The following PDLIM7 variants were observed in gnomAD, a reference collection of about 807,000 sequenced individuals.
PDLIM7 encodes the protein PDZ and LIM domain protein 7.
PDLIM7 carries 37 observed loss-of-function variants against 53.9 expected under a neutral mutation model. The observed-to-expected ratio is 0.69, with a 90% CI of 0.53 to 0.90. PDLIM7 has a LOEUF of 0.90. PDLIM7 is among the 40% of genes least tolerant of loss of function. PDLIM7 has a pLI of 0.00. For missense variants in PDLIM7, 617 were observed against 638.5 expected (o/e 0.97, Z 0.36); for synonymous variants, 300 against 261.3 (o/e 1.15, Z -1.43).
In PDLIM7 at chr5:177,492,683, G is replaced by A. The variant is rs770819150; in HGVS notation, c.97-6C>T. On this transcript the variant is annotated splice_region_variant and splice_polypyrimidine_tract_variant and intron_variant, in intron 2 of 12. Coordinates refer to ENST00000355841, the MANE Select transcript of PDLIM7 (RefSeq NM_005451.5). ...GCTTTGCCCCCAGGAGTGAGCTGTG[G>A]AGAGAGAAGCAAAGTGACCGAGGCC... 22 of 1,600,414 alleles carry A rather than the reference G, an allele frequency of 1.4e-5. No individual in the cohort carries two copies. Among genetic ancestry groups the A allele is most frequent in the East Asian group, 8.9e-5 (4 of 44,756 alleles).
At chr5:177,487,466 T>C (rs1390897450) in intron 10 of PDLIM7, among the ~76,000 whole-genome samples, 1 of 152,218 alleles carries the variant, frequency 6.6e-6, no homozygotes, top group Non-Finnish European at 1.5e-5. Flanking sequence ...GGTGAGCATT[T>C]TGGCGGAGGC....
At chr5:177,490,444 A>G in intron 7 of PDLIM7, 1 of 1,534,122 alleles carries the variant, frequency 6.5e-7, no homozygotes, top group Non-Finnish European at 8.7e-7. Context: ...TGCCCTGGGC[A>G]GGAGGAACAG....
intron 2 of PDLIM7, chr5:177,493,018 C>T: frequency 3.3e-6 from 1 of 303,640 alleles, no homozygotes; most frequent in East Asian, 6.7e-5. Context: ...CACAAACAGC[C>T]ACGCTCAGGC....
intron 5 of PDLIM7, chr5:177,491,555 C>A: frequency 1.3e-6 from 1 of 776,658 alleles, no homozygotes. Flanking sequence ...TGGCCCGACA[C>A]CACAACCCAA....
rs1758307031 is a variant in PDLIM7, at chr5:177,483,898, A to T, written c.1256T>A (p.Phe419Tyr). ...AGDRFLEALG[F>Y]SWHDTCFVCA... ...GACGAAGCAGGTGTCATGCCAGCTG[A>T]AGCCCAGGGCCTCCAGGAAGCGGTC... The change falls in exon 12 of 13, where the codon TTC (phenylalanine) becomes TAC (tyrosine). Residue 419 changes from phenylalanine (F) to tyrosine (Y), a missense_variant. Coordinates refer to ENST00000355841, the MANE Select transcript of PDLIM7 (RefSeq NM_005451.5). The T allele has an allele frequency of 6.2e-6, 10 of 1,613,652 alleles. No individual in the cohort carries two copies. Among genetic ancestry groups the T allele is most frequent in the Non-Finnish European group, 8.5e-6 (10 of 1,179,964 alleles).
intron 9 of PDLIM7, among the ~76,000 whole-genome samples, chr5:177,488,473 T>C (rs1758573313): frequency 1.3e-5 from 2 of 152,166 alleles, no homozygotes; most frequent in African/African-American, 4.8e-5. Context: ...GAGGCAGCTT[T>C]AGAGCAGGGA....
At chr5:177,490,168 A>C (rs950621312) in intron 7 of PDLIM7, 2 of 1,458,272 alleles carry the variant, frequency 1.4e-6, no homozygotes, top group Non-Finnish European at 9.1e-7. Flanking sequence ...GGCAGGGCCC[A>C]AACAGTCCGA....
chr5:177,487,498 G>A (rs1426152548), intron 10 of PDLIM7, among the ~76,000 whole-genome samples: 1 of 152,242 alleles, frequency 6.6e-6, no homozygotes, highest in Non-Finnish European at 1.5e-5. Flanking sequence ...CTTGCACCAT[G>A]AGTGGTAAGT....
chr5:177,485,238 C>T (rs964468454), intron 10 of PDLIM7, among the ~76,000 whole-genome samples: 3 of 152,274 alleles, frequency 2.0e-5, no homozygotes, highest in African/African-American at 7.2e-5. Flanking sequence ...TCTATCCCCA[C>T]AGTGCCTGGC....
chr5:177,490,390 G>A (rs1406486503), intron 7 of PDLIM7: 10 of 1,483,046 alleles, frequency 6.7e-6, no homozygotes, highest in African/African-American at 5.6e-5. Flanking sequence ...CCAGGGGCAC[G>A]AAAGGGGGGG....
chr5:177,484,024 C>T (rs765853409), intron 11 of PDLIM7, 42 bp from the exon 12 acceptor site: 1 of 1,613,416 alleles, frequency 6.2e-7, no homozygotes, highest in South Asian at 1.1e-5. Context: ...GGATTCATGC[C>T]TGCCCCATGC....
intron 1 of PDLIM7, 190 bp from the exon 2 acceptor site, chr5:177,496,713 G>C (rs1336793637): frequency 1.2e-5 from 5 of 420,888 alleles, no homozygotes; most frequent in African/African-American, 4.2e-5. Context: ...CCTCACTTTG[G>C]AAAGACAGGA....
chr5:177,493,267 GT>G (rs1437660272), intron 2 of PDLIM7, among the ~76,000 whole-genome samples: 1 of 152,202 alleles, frequency 6.6e-6, no homozygotes, highest in Admixed American at 6.5e-5. Flanking sequence ...CCGGTTCCCT[GT>G]GAACACTGCC....
intron 1 of PDLIM7, chr5:177,496,738 C>A: frequency 2.6e-6 from 1 of 378,590 alleles, no homozygotes; most frequent in Non-Finnish European, 4.8e-6. Context: ...CCCCCCTCCC[C>A]TTGGGACTGG....
chr5:177,489,668 C>G, intron 8 of PDLIM7, 41 bp from the exon 9 acceptor site: 1 of 1,521,072 alleles, frequency 6.6e-7, no homozygotes, highest in South Asian at 1.2e-5. Flanking sequence ...CCAGGGACCC[C>G]AAAGGACGGG....
At chr5:177,484,567 C>A in intron 10 of PDLIM7, 1 of 229,406 alleles carries the variant, frequency 4.4e-6, no homozygotes, top group South Asian at 5.7e-5. Context: ...CATCCAGATT[C>A]TGAGTGCTTC....
chr5:177,487,798 G>A, intron 10 of PDLIM7: 1 of 338,882 alleles, frequency 3.0e-6, no homozygotes. Context: ...GGCAGGGAGA[G>A]CCCAAAGTGG....
intron 12 of PDLIM7, 63 bp downstream of exon 12, chr5:177,483,804 C>T: frequency 1.3e-6 from 2 of 1,586,512 alleles, no homozygotes; most frequent in Non-Finnish European, 1.7e-6. Context: ...TCTCCTGCAT[C>T]TCCTGGGGAA....
chr5:177,491,582 G>A (rs962496570), intron 5 of PDLIM7, among the ~76,000 whole-genome samples: 1 of 152,122 alleles, frequency 6.6e-6, no homozygotes, highest in African/African-American at 2.4e-5. Context: ...GCCGCCAGCA[G>A]GGGGCGCGGC....
Sources: allele counts gnomAD v4.1 joint callset (sites outside exome capture counted in the v4.1 genomes callset), GRCh38; gene constraint gnomAD v4.1.1; transcripts MANE v1.5; gene names NCBI Gene and HGNC (gene_info 2026-07-23, HGNC 2026-07-21).